SAMD8: variants seen among roughly 807,000 people sequenced by gnomAD.
SAMD8 encodes sphingomyelin synthase-related protein 1.
A neutral mutation model predicts 42.0 loss-of-function variants in SAMD8; 20 were observed. The ratio of observed to expected loss-of-function variants is 0.48; its 90% CI spans 0.34 to 0.69. The LOEUF (loss-of-function observed/expected upper bound fraction) is 0.69, where lower values mean the gene tolerates loss of function less well. Ranked by LOEUF, SAMD8 falls within the 30% of genes least tolerant of loss-of-function variation. SAMD8 has a pLI of 0.01. For synonymous variants in SAMD8, 162 were observed against 173.0 expected (o/e 0.94, Z 0.50); for missense variants, 328 against 511.6 (o/e 0.64, Z 3.46).
At chr10:75,135,407 C>T (rs1849371155) in intron 1 of SAMD8, among the ~76,000 whole-genome samples, 1 of 147,322 alleles carries the variant, frequency 6.8e-6, no homozygotes, top group Admixed American at 6.8e-5. Flanking sequence ...GAGCTGAGAT[C>T]GTGTCACTGC....
intron 1 of SAMD8, among the ~76,000 whole-genome samples, chr10:75,138,951 G>GT (rs1318589530): frequency 5.0e-5 from 7 of 139,798 alleles, no homozygotes; most frequent in Admixed American, 7.3e-5. Flanking sequence ...TGCTTAAGTG[G>GT]TTTTTTCTTT....
chr10:75,134,625 AC>A (rs1849344413), intron 1 of SAMD8, among the ~76,000 whole-genome samples: 1 of 147,560 alleles, frequency 6.8e-6, no homozygotes, highest in Non-Finnish European at 1.5e-5. Flanking sequence ...GCAGAGTGAG[AC>A]TTTCCCCCCC....
intron 1 of SAMD8, among the ~76,000 whole-genome samples, chr10:75,100,582 G>T (rs1848098164): frequency 6.6e-6 from 1 of 152,114 alleles, no homozygotes; most frequent in Non-Finnish European, 1.5e-5. Flanking sequence ...TGAAGCACAG[G>T]CCCAACGTCC....
At position 75,176,739 on chromosome 10, in the gene SAMD8, G is replaced by A; in HGVS notation, c.*47G>A. 7.3e-7 allele frequency: 1 copy of A among 1,375,550 alleles called. No individual in the cohort carries two copies. Among genetic ancestry groups the A allele is most frequent in the Non-Finnish European group, 9.7e-7 (1 of 1,026,900 alleles). The allele number at this position is 1,375,550 out of a possible 1,614,324, so 85.2% of individuals were successfully genotyped here. ...TGTGATTAAATATATAATAGTTGTTGAAAATGAGTAACTTTGCGTTCTCCC... is the reference window on the plus strand; with the variant it reads ...TGTGATTAAATATATAATAGTTGTTAAAAATGAGTAACTTTGCGTTCTCCC... On this transcript the variant is annotated 3_prime_UTR_variant, in exon 6 of 6. Coordinates refer to ENST00000542569, the MANE Select transcript of SAMD8 (RefSeq NM_001174156.2). This position sits in a 1 kb window ranked among gnomAD's most constrained non-coding sequence, Gnocchi z 4.3.
At chr10:75,174,888 T>C (rs1840956143) in intron 4 of SAMD8, among the ~76,000 whole-genome samples, 1 of 152,166 alleles carries the variant, frequency 6.6e-6, no homozygotes, top group Non-Finnish European at 1.5e-5. Context: ...TATGGTTTAA[T>C]AAACACACAA....
At chr10:75,130,836 T>G (rs886884806) in intron 1 of SAMD8, among the ~76,000 whole-genome samples, 2 of 152,212 alleles carry the variant, frequency 1.3e-5, no homozygotes, top group Non-Finnish European at 2.9e-5. Context: ...TTGTCTCGTG[T>G]AAAATGAAGA....
upstream of SAMD8, chr10:75,109,181 C>T (rs1045359326): frequency 1.3e-6 from 2 of 1,542,798 alleles, no homozygotes; most frequent in African/African-American, 2.8e-5. Flanking sequence ...CACCCCTCTG[C>T]CTCTGTGGTC....
chr10:75,106,286 T>A (rs1659881730), intron 1 of SAMD8, among the ~76,000 whole-genome samples: 1 of 151,948 alleles, frequency 6.6e-6, no homozygotes, highest in South Asian at 2.1e-4. Context: ...TGTCGCCTCA[T>A]CTCAGATTGT....
chr10:75,159,240 T>G (rs1031540647), intron 2 of SAMD8, among the ~76,000 whole-genome samples: 1 of 151,926 alleles, frequency 6.6e-6, no homozygotes, highest in African/African-American at 2.4e-5. Context: ...GTATTTTTAG[T>G]AGAGACGGGG....
intron 1 of SAMD8, among the ~76,000 whole-genome samples, chr10:75,123,315 C>T (rs576701589): frequency 6.6e-6 from 1 of 152,184 alleles, no homozygotes; most frequent in East Asian, 1.9e-4. Context: ...CAGCAGGCTT[C>T]CTCTGGTAGT....
At chr10:75,133,280 A>G (rs1209033433) in intron 1 of SAMD8, among the ~76,000 whole-genome samples, 6 of 151,800 alleles carry the variant, frequency 4.0e-5, no homozygotes, top group Non-Finnish European at 5.9e-5. Flanking sequence ...GTGCGTGCCT[A>G]TAGCCCCAGC....
In SAMD8 at chr10:75,163,171, C is replaced by T. The variant is rs572691403; in HGVS notation, c.579-1474C>T. Among the ~76,000 whole-genome samples, 7 of 152,266 alleles carry T rather than the reference C, an allele frequency of 4.6e-5. No individual in the cohort carries two copies. The South Asian group carries it at 1.2e-3, about 27-fold the overall frequency. ...TGAACTCCTGACCTCGTGATCCACC[C>T]GCCTTGGCCTCCCAAAGTGCTGGGA... On this transcript the variant is annotated intron_variant, in intron 2 of 5. Transcript: ENST00000542569.
intron 1 of SAMD8, among the ~76,000 whole-genome samples, chr10:75,145,977 A>G (rs1840121258): frequency 6.6e-6 from 1 of 152,170 alleles, no homozygotes; most frequent in Admixed American, 6.5e-5. Context: ...TAGTTTCCTT[A>G]CATACATGTG....
intron 1 of SAMD8, among the ~76,000 whole-genome samples, chr10:75,101,660 T>A (rs1242412844): frequency 6.6e-6 from 1 of 152,154 alleles, no homozygotes; most frequent in Admixed American, 6.5e-5. Context: ...CAGAGTCACA[T>A]AGCCAATTGA....
upstream of SAMD8, chr10:75,111,484 C>T (rs1848765391): frequency 1.1e-5 from 14 of 1,222,272 alleles, no homozygotes; most frequent in East Asian, 3.2e-5. Flanking sequence ...AGGGCCCCGC[C>T]TCCCGAAGCA....
intron 1 of SAMD8, chr10:75,105,832 C>T (rs529278062): frequency 1.4e-5 from 21 of 1,550,652 alleles, no homozygotes; most frequent in East Asian, 4.9e-5. Context: ...CGTGGCAGAG[C>T]GGCTCACGCC....
intron 1 of SAMD8, among the ~76,000 whole-genome samples, chr10:75,133,663 T>C (rs1424941981): frequency 6.6e-6 from 1 of 152,170 alleles, no homozygotes; most frequent in African/African-American, 2.4e-5. Flanking sequence ...TGCAGCAACA[T>C]GGATGAATCT....
At chr10:75,123,399 C>A (rs1300613451) in intron 1 of SAMD8, among the ~76,000 whole-genome samples, 1 of 152,128 alleles carries the variant, frequency 6.6e-6, no homozygotes, top group Non-Finnish European at 1.5e-5. Flanking sequence ...CAAATGGACT[C>A]CTCTGACAGC....
chr10:75,103,331 C>T (rs1355202331), intron 1 of SAMD8, among the ~76,000 whole-genome samples: 5 of 152,340 alleles, frequency 3.3e-5, no homozygotes, highest in East Asian at 3.9e-4. Flanking sequence ...CTGAGGGAAG[C>T]AGCACAGGCC....
Sources: allele counts gnomAD v4.1 joint callset (sites outside exome capture counted in the v4.1 genomes callset), GRCh38; gene constraint gnomAD v4.1.1; non-coding constraint Gnocchi (gnomAD v3.1); transcripts MANE v1.5; gene names NCBI Gene and HGNC (gene_info 2026-07-23, HGNC 2026-07-21).